CNTN6: variants seen among roughly 807,000 people sequenced by gnomAD.
CNTN6 encodes contactin-6.
CNTN6 carries 137 observed loss-of-function variants against 122.8 expected under a neutral mutation model. That is an observed-to-expected ratio of 1.12 (90% CI 0.97 to 1.29). CNTN6 has a LOEUF of 1.29. CNTN6 is among the 50% of genes most tolerant of loss of function. The pLI is 0.00. For missense variants in CNTN6, 1,634 were observed against 1,223.4 expected, an observed-to-expected ratio of 1.34 and a Z score of -5.01; for synonymous variants, 570 against 426.0, an observed-to-expected ratio of 1.34 and a Z score of -4.16.
In CNTN6 at chr3:1,383,177, G is replaced by C; in HGVS notation, c.2401+1G>C. Reference sequence around the variant, plus strand: ...ACCATTGTCTACTCTGGGGAAGATGGTAAGTTGTCCTCAACTCTGGTTTTC... The same window carrying C: ...ACCATTGTCTACTCTGGGGAAGATGCTAAGTTGTCCTCAACTCTGGTTTTC... On this transcript the variant is annotated splice_donor_variant, in intron 18 of 22. Coordinates refer to ENST00000446702, the MANE Select transcript of CNTN6 (RefSeq NM_001289080.2). LOFTEE classifies it high-confidence loss of function. 6.2e-7 allele frequency: 1 copy of C among 1,611,622 alleles called. No individual in the cohort carries two copies. Among genetic ancestry groups the C allele is most frequent in the Non-Finnish European group, 8.5e-7 (1 of 1,177,892 alleles).
At chr3:1,193,806 C>T (rs1368092309) in intron 2 of CNTN6, among the ~76,000 whole-genome samples, 1 of 152,130 alleles carries the variant, frequency 6.6e-6, no homozygotes, top group Non-Finnish European at 1.5e-5. Context: ...TCCCACTGCA[C>T]TCACTTTTAT....
At chr3:1,210,900 T>G (rs1457622020) in intron 2 of CNTN6, among the ~76,000 whole-genome samples, 1 of 152,222 alleles carries the variant, frequency 6.6e-6, no homozygotes, top group African/African-American at 2.4e-5. Context: ...TGCTTTTTAA[T>G]GGCACTTTCC....
At chr3:1,274,197 G>A (rs1354072975) in intron 4 of CNTN6, among the ~76,000 whole-genome samples, 1 of 152,140 alleles carries the variant, frequency 6.6e-6, no homozygotes, top group Non-Finnish European at 1.5e-5. Flanking sequence ...TTATTAGGCT[G>A]ATTTTTATTC....
intron 11 of CNTN6, among the ~76,000 whole-genome samples, chr3:1,347,899 C>T (rs866666573): frequency 1.3e-5 from 2 of 151,932 alleles, no homozygotes; most frequent in East Asian, 1.9e-4. Flanking sequence ...AGACTCCTTT[C>T]GAAAAGCCCA....
At chr3:1,311,947 T>A (rs1000808666) in intron 7 of CNTN6, among the ~76,000 whole-genome samples, 9 of 152,076 alleles carry the variant, frequency 5.9e-5, no homozygotes, top group African/African-American at 2.2e-4. Context: ...GTTTCCAATT[T>A]TTTGTAATCA....
intron 20 of CNTN6, among the ~76,000 whole-genome samples, chr3:1,386,221 T>TAA (rs1692896766): frequency 7.0e-6 from 1 of 142,936 alleles, no homozygotes; most frequent in South Asian, 2.1e-4. Context: ...TTATTAATAA[T>TAA]AAGTGTCCAG....
intron 4 of CNTN6, among the ~76,000 whole-genome samples, chr3:1,254,333 C>T (rs1403442804): frequency 2.0e-5 from 3 of 152,062 alleles, no homozygotes; most frequent in East Asian, 3.9e-4. Context: ...CTTTTTCACT[C>T]TACATTCAGT....
chr3:1,099,353 A>G (rs2090745657), intron 1 of CNTN6, among the ~76,000 whole-genome samples: 1 of 151,958 alleles, frequency 6.6e-6, no homozygotes, highest in Admixed American at 6.6e-5. Flanking sequence ...GGGGAGGCTG[A>G]GGCGGGAGAA....
At chr3:1,103,689 A>C (rs1486434487) in intron 1 of CNTN6, among the ~76,000 whole-genome samples, 1 of 152,190 alleles carries the variant, frequency 6.6e-6, no homozygotes, top group Admixed American at 6.5e-5. Flanking sequence ...TTACACACAC[A>C]AGACACAATG....
intron 2 of CNTN6, among the ~76,000 whole-genome samples, chr3:1,182,786 T>C (rs2093575674): frequency 6.6e-6 from 1 of 152,118 alleles, no homozygotes; most frequent in Non-Finnish European, 1.5e-5. Flanking sequence ...AATTGAAATG[T>C]TTATCATGCA....
At chr3:1,367,863 C>G (rs1416514127) in intron 12 of CNTN6, among the ~76,000 whole-genome samples, 1 of 152,104 alleles carries the variant, frequency 6.6e-6, no homozygotes, top group African/African-American at 2.4e-5. Flanking sequence ...GAAGCGACTT[C>G]AAAAGTAGTC....
chr3:1,300,574 AAAGAAAGAAAG>A lies in CNTN6; in HGVS notation c.761+2586_761+2596del, dbSNP rs1247371189. Among the ~76,000 whole-genome samples the A allele has an allele frequency of 6.1e-3, 719 of 118,224 alleles. 4 individuals carry two copies. Among genetic ancestry groups the A allele is most frequent in the South Asian group, 0.014 (60 of 4,440 alleles). The allele number at this position is 118,224 out of a possible 152,430, so 77.6% of individuals were successfully genotyped here. A position where few individuals can be genotyped will look rare whatever the true frequency, so the allele number is the denominator to read the frequency against. On this transcript the variant is annotated intron_variant, in intron 7 of 22. Transcript: ENST00000446702. ...GAGAAAGAAAAAGAAAGAAAGAAAG[AAAGAAAGAAAG>A]AAAGAAAGAAAGAAAGAAAGAGAGA...
intron 11 of CNTN6, among the ~76,000 whole-genome samples, chr3:1,333,646 C>T (rs1356466957): frequency 6.6e-6 from 1 of 152,066 alleles, no homozygotes; most frequent in Non-Finnish European, 1.5e-5. Flanking sequence ...TTGTCACTAA[C>T]TCTTGCAGCC....
chr3:1,391,379 AAATT>A (rs1227436668), intron 20 of CNTN6, among the ~76,000 whole-genome samples: 3 of 120,772 alleles, frequency 2.5e-5, no homozygotes, highest in Non-Finnish European at 5.0e-5. Context: ...AACTCTCAAT[AAATT>A]AGGTATTGAT....
rs555896163 is a variant in CNTN6, at chr3:1,234,559, A to C, written c.358+6566A>C. ...AAAAGAAATTAAGACCCAGCAGAAGAAGCTTTAAAAATAACACTTAAAAAT... is the reference window on the plus strand; with the variant it reads ...AAAAGAAATTAAGACCCAGCAGAAGCAGCTTTAAAAATAACACTTAAAAAT... On this transcript the variant is annotated intron_variant, in intron 4 of 22. Coordinates refer to ENST00000446702, the MANE Select transcript of CNTN6 (RefSeq NM_001289080.2). Among the ~76,000 whole-genome samples, 4 of 152,310 alleles carry C rather than the reference A, an allele frequency of 2.6e-5. No individual in the cohort carries two copies. In the South Asian group the frequency reaches 6.2e-4, roughly 24 times the overall value.
At chr3:1,173,304 G>T (rs914215132) in intron 2 of CNTN6, 9 of 456,476 alleles carry the variant, frequency 2.0e-5, no homozygotes, top group African/African-American at 8.0e-5. Flanking sequence ...ATATCACCTG[G>T]CGGTTTGCAA....
chr3:1,104,140 A>G (rs1043275930), intron 1 of CNTN6, among the ~76,000 whole-genome samples: 2 of 152,104 alleles, frequency 1.3e-5, no homozygotes, highest in African/African-American at 4.8e-5. Flanking sequence ...GTATTCTTGA[A>G]TTCAATGAAG....
chr3:1,306,347 T>G (rs1698350424), intron 7 of CNTN6, among the ~76,000 whole-genome samples: 1 of 152,128 alleles, frequency 6.6e-6, no homozygotes, highest in African/African-American at 2.4e-5. Flanking sequence ...TCAAGTAAAC[T>G]CTATAGAACA....
At chr3:1,359,790 C>A (rs554393494) in intron 12 of CNTN6, among the ~76,000 whole-genome samples, 19 of 152,158 alleles carry the variant, frequency 1.2e-4, no homozygotes, top group African/African-American at 4.1e-4. Flanking sequence ...GAAATGAAGA[C>A]CCCATCACAC....
Sources: allele counts gnomAD v4.1 joint callset (sites outside exome capture counted in the v4.1 genomes callset), GRCh38; gene constraint gnomAD v4.1.1; transcripts MANE v1.5; gene names NCBI Gene and HGNC (gene_info 2026-07-23, HGNC 2026-07-21).